The following TCF12 variants were observed in gnomAD, a reference collection of about 807,000 sequenced individuals.
TCF12 encodes the protein DNA-binding protein HTF4.
TCF12 carries 45 observed loss-of-function variants against 86.0 expected under a neutral mutation model. The observed-to-expected ratio is 0.52, with a 90% CI of 0.41 to 0.67. The LOEUF is 0.67. TCF12 is among the 30% of genes least tolerant of loss of function. The pLI is 0.00. For synonymous variants in TCF12, 330 were observed against 299.6 expected, an observed-to-expected ratio of 1.10 and a Z score of -1.05; for missense variants, 881 against 859.9, an observed-to-expected ratio of 1.02 and a Z score of -0.31.
intron 8 of TCF12, among the ~76,000 whole-genome samples, chr15:57,220,288 T>C (rs537936168): frequency 3.9e-4 from 60 of 152,296 alleles, no homozygotes; most frequent in Admixed American, 1.8e-3. Flanking sequence ...GCTTTGTAGA[T>C]GGAAGGAAAA....
At chr15:57,072,328 C>T (rs1331202079) in intron 4 of TCF12, among the ~76,000 whole-genome samples, 2 of 152,124 alleles carry the variant, frequency 1.3e-5, no homozygotes, top group African/African-American at 4.8e-5. Context: ...TAGGCTTTGT[C>T]AAGTTAGCTA....
At chr15:56,966,442 G>A (rs1401844201) in intron 3 of TCF12, among the ~76,000 whole-genome samples, 1 of 152,164 alleles carries the variant, frequency 6.6e-6, no homozygotes, top group African/African-American at 2.4e-5. Flanking sequence ...AGATTAATAA[G>A]GTAGCTAAGC....
At chr15:57,006,382 G>A (rs1212693695) in intron 3 of TCF12, among the ~76,000 whole-genome samples, 1 of 151,868 alleles carries the variant, frequency 6.6e-6, no homozygotes, top group Non-Finnish European at 1.5e-5. Flanking sequence ...TTGGTTCACT[G>A]TAACCTCTGC....
intron 3 of TCF12, among the ~76,000 whole-genome samples, chr15:56,974,753 A>T (rs1293447047): frequency 1.3e-5 from 2 of 152,088 alleles, no homozygotes; most frequent in African/African-American, 4.8e-5. Flanking sequence ...CAGAGTTAGG[A>T]TTCCAGCCCT....
chr15:56,965,002 TGAAGAATCCA>T (rs754788911), intron 3 of TCF12, among the ~76,000 whole-genome samples: 25 of 152,214 alleles, frequency 1.6e-4, no homozygotes, highest in Non-Finnish European at 2.4e-4. Context: ...TCATTTAAAC[TGAAGAATCCA>T]GAAAATGATT....
intron 10 of TCF12, 29 bp from the exon 11 acceptor site, chr15:57,232,683 T>A (rs1215457191): frequency 6.3e-7 from 1 of 1,597,298 alleles, no homozygotes; most frequent in Non-Finnish European, 8.5e-7. Context: ...AGAAAATATA[T>A]TTAATAGATC....
chr15:57,130,279 G>A (rs927828201), intron 5 of TCF12, among the ~76,000 whole-genome samples: 2 of 152,118 alleles, frequency 1.3e-5, no homozygotes, highest in Non-Finnish European at 2.9e-5. Flanking sequence ...TTACCTTAAA[G>A]CTAACCTGTT....
At chr15:57,012,282 G>C (rs1234596160) in intron 3 of TCF12, among the ~76,000 whole-genome samples, 1 of 152,010 alleles carries the variant, frequency 6.6e-6, no homozygotes, top group African/African-American at 2.4e-5. Flanking sequence ...TCCTAGCCTG[G>C]AAAATAATGG....
intron 4 of TCF12, among the ~76,000 whole-genome samples, chr15:57,080,165 C>T (rs182217120): frequency 6.6e-6 from 1 of 152,242 alleles, no homozygotes; most frequent in East Asian, 1.9e-4. Flanking sequence ...TTTTAAGAAG[C>T]TAATTTATCA....
chr15:56,976,538 C>G (rs1201256610), intron 3 of TCF12, among the ~76,000 whole-genome samples: 1 of 151,816 alleles, frequency 6.6e-6, no homozygotes, highest in East Asian at 1.9e-4. Context: ...ACTATTACAG[C>G]TAATACATGA....
intron 3 of TCF12, among the ~76,000 whole-genome samples, chr15:56,971,342 G>T (rs911404292): frequency 5.3e-5 from 8 of 151,966 alleles, no homozygotes; most frequent in African/African-American, 1.9e-4. Context: ...ATAGAGAATC[G>T]CTTGAACCTA....
intron 8 of TCF12, chr15:57,219,591 G>A: frequency 6.2e-7 from 1 of 1,612,366 alleles, no homozygotes; most frequent in Non-Finnish European, 8.5e-7. Context: ...TGGGAAAACG[G>A]TAAGCCTTTT....
chr15:57,174,192 T>G (rs2055740956), intron 6 of TCF12, among the ~76,000 whole-genome samples: 1 of 152,184 alleles, frequency 6.6e-6, no homozygotes, highest in African/African-American at 2.4e-5. Context: ...TTTTATCAGG[T>G]GAGCAACATC....
chr15:57,172,083 C>G (rs79724754), intron 6 of TCF12, among the ~76,000 whole-genome samples: 2,218 of 152,154 alleles, frequency 0.015, 31 homozygotes, highest in Admixed American at 0.038. Flanking sequence ...TGGAGATAAG[C>G]TTATACCATT....
intron 3 of TCF12, among the ~76,000 whole-genome samples, chr15:57,001,782 T>C (rs1385942676): frequency 1.3e-5 from 2 of 152,196 alleles, no homozygotes; most frequent in Non-Finnish European, 2.9e-5. Context: ...AGTGACTGGT[T>C]CCTAGTTCTG....
intron 15 of TCF12, 77 bp from the exon 16 acceptor site, chr15:57,253,185 A>G (rs2060196997): frequency 2.7e-6 from 4 of 1,502,044 alleles, no homozygotes; most frequent in Middle Eastern, 3.4e-4. Flanking sequence ...CACATATCAC[A>G]TAGTAGGAAA....
At chr15:56,927,559 A>G (rs995910204) in intron 3 of TCF12, among the ~76,000 whole-genome samples, 1 of 152,238 alleles carries the variant, frequency 6.6e-6, no homozygotes, top group Non-Finnish European at 1.5e-5. Context: ...AATATAGCAT[A>G]ACTTAACAAA....
At chr15:57,058,589 T>C (rs531096818) in intron 3 of TCF12, among the ~76,000 whole-genome samples, 99 of 152,344 alleles carry the variant, frequency 6.5e-4, no homozygotes, top group African/African-American at 2.4e-3. Context: ...ACATATGTGT[T>C]TTTTAGACTG....
chr15:57,262,677 A>C (rs1413198110), intron 17 of TCF12, among the ~76,000 whole-genome samples: 1 of 152,342 alleles, frequency 6.6e-6, no homozygotes, highest in South Asian at 2.1e-4. Flanking sequence ...GTGTGAAGAT[A>C]GAGCACTTGA....
Sources: gnomAD v4.1 joint callset for allele counts (sites outside exome capture counted in the v4.1 genomes callset) on GRCh38, gnomAD v4.1.1 for gene constraint, MANE v1.5 for transcripts, NCBI Gene and HGNC (gene_info 2026-07-23, HGNC 2026-07-21) for gene names.